Variants in CSMD3 observed in about 807,000 individuals in gnomAD.
The protein encoded by CSMD3 is CUB and sushi domain-containing protein 3.
A neutral mutation model predicts 435.2 loss-of-function variants in CSMD3; 177 were observed. The ratio of observed to expected loss-of-function variants is 0.41; its 90% confidence interval spans 0.36 to 0.46. The LOEUF is 0.46. Ranked by LOEUF, CSMD3 falls within the 20% of genes least tolerant of loss-of-function variation. The probability of loss-of-function intolerance (pLI) is 0.34; values close to 1 mark genes in which losing one functional copy is unlikely to be tolerated. For synonymous variants in CSMD3, 1,656 were observed against 1,520.5 expected, an observed-to-expected ratio of 1.09 and a Z score of -2.07; for missense variants, 4,265 against 4,504.6, an observed-to-expected ratio of 0.95 and a Z score of 1.52.
At chr8:112,301,731 T>A (rs938737426) in intron 53 of CSMD3, 62 bp downstream of exon 53, 1 of 1,210,118 alleles carries the variant, frequency 8.3e-7, no homozygotes, top group Non-Finnish European at 1.2e-6. Context: ...GAAAAAGAGA[T>A]GCCTCTTTTC....
At chr8:113,052,260 G>T (rs187153191) in intron 5 of CSMD3, among the ~76,000 whole-genome samples, 39 of 152,198 alleles carry the variant, frequency 2.6e-4, no homozygotes, top group Non-Finnish European at 4.4e-4. Flanking sequence ...AAATATTTTA[G>T]CTGTCCAAGT....
chr8:113,170,789 A>G (rs568166892), intron 4 of CSMD3, among the ~76,000 whole-genome samples: 1 of 152,270 alleles, frequency 6.6e-6, no homozygotes, highest in Admixed American at 6.5e-5. Context: ...CAGTAAATTT[A>G]TTCATTAGTT....
chr8:112,853,331 T>G (rs1260294622), intron 11 of CSMD3, among the ~76,000 whole-genome samples: 1 of 152,138 alleles, frequency 6.6e-6, no homozygotes, highest in Non-Finnish European at 1.5e-5. Context: ...GTTCAAGCAA[T>G]TCTCCTGCCT....
intron 61 of CSMD3, among the ~76,000 whole-genome samples, chr8:112,257,995 A>G (rs181577473): frequency 1.2e-4 from 19 of 152,278 alleles, no homozygotes; most frequent in African/African-American, 4.3e-4. Flanking sequence ...CAACCATCCA[A>G]TCTTTGACAA....
chr8:113,375,035 A>G (rs988615467), intron 1 of CSMD3, among the ~76,000 whole-genome samples: 5 of 152,088 alleles, frequency 3.3e-5, no homozygotes, highest in African/African-American at 1.2e-4. Flanking sequence ...CACTTTACCC[A>G]GTATAACAAA....
At chr8:113,392,359 T>G (rs541993046) in intron 1 of CSMD3, among the ~76,000 whole-genome samples, 1 of 152,238 alleles carries the variant, frequency 6.6e-6, no homozygotes, top group South Asian at 2.1e-4. Flanking sequence ...CAGATGTATG[T>G]GCCCTAAATA....
Position 112,777,024 on chromosome 8 carries a change from A to G in CSMD3, c.1972+23138T>C, listed in dbSNP as rs373864501. 1.3e-4 allele frequency among the ~76,000 whole-genome samples: 19 copies of G among 151,842 alleles called. No homozygotes were observed. In the South Asian group the frequency reaches 3.9e-3, roughly 32 times the overall value. ...GCTTTTGTACATTTTTTAGTATGTT[A>G]TTTTTCCATCTTCATTTTCTTCTTT... On this transcript the variant is annotated intron_variant, in intron 13 of 70. Transcript: ENST00000297405.
intron 1 of CSMD3, chr8:113,376,707 G>T (rs938501152): frequency 6.2e-7 from 1 of 1,613,612 alleles, no homozygotes; most frequent in Non-Finnish European, 8.5e-7. Context: ...GAAAGGTTCG[G>T]CGCAAGGAGC....
intron 13 of CSMD3, among the ~76,000 whole-genome samples, chr8:112,696,665 G>A (rs981982702): frequency 3.3e-5 from 5 of 152,122 alleles, no homozygotes; most frequent in Admixed American, 2.6e-4. Flanking sequence ...ATAGGCATGG[G>A]CAAGGACTTC....
At chr8:112,406,825 T>C in intron 34 of CSMD3, 98 bp from the exon 35 acceptor site, 1 of 671,004 alleles carries the variant, frequency 1.5e-6, no homozygotes, top group South Asian at 2.6e-5. Context: ...AATCATCACT[T>C]TTTATCAGAA....
chr8:112,933,203 G>T (rs1347731280), intron 9 of CSMD3, among the ~76,000 whole-genome samples: 3 of 152,004 alleles, frequency 2.0e-5, no homozygotes, highest in Non-Finnish European at 2.9e-5. Flanking sequence ...AGCTGTATAA[G>T]ATGTTATCAA....
chr8:112,550,896 T>C (rs1375397517), intron 26 of CSMD3, 23 bp from the exon 27 acceptor site: 1 of 1,551,872 alleles, frequency 6.4e-7, no homozygotes, highest in East Asian at 2.3e-5. Context: ...CATATTTCTC[T>C]GATTATTTTA....
intron 22 of CSMD3, among the ~76,000 whole-genome samples, chr8:112,601,221 G>A (rs1832326012): frequency 6.6e-6 from 1 of 152,026 alleles, no homozygotes; most frequent in Non-Finnish European, 1.5e-5. Flanking sequence ...AAGGTGATAT[G>A]AGCAATAGCA....
At chr8:112,988,999 TAGGTC>T (rs370084761) in intron 6 of CSMD3, among the ~76,000 whole-genome samples, 2 of 152,080 alleles carry the variant, frequency 1.3e-5, no homozygotes, top group African/African-American at 4.8e-5. Context: ...TTTATTGTCT[TAGGTC>T]ATTTATTCAT....
intron 9 of CSMD3, among the ~76,000 whole-genome samples, chr8:112,936,530 A>G (rs2083285951): frequency 1.3e-5 from 2 of 152,116 alleles, no homozygotes; most frequent in Admixed American, 1.3e-4. Flanking sequence ...TTGAATTTGC[A>G]TATAGGTTTT....
chr8:112,318,885 T>C lies in CSMD3; in HGVS notation c.7312A>G (p.Arg2438Gly), dbSNP rs2130860757. Residue 2438 changes from arginine (R) to glycine (G), a missense_variant, in exon 47 of 71, where the codon AGA (arginine) becomes GGA (glycine). Transcript: ENST00000297405. Reference sequence around the variant, plus strand: ...TCCATCTGCAGTCGTTCTCCTAATCTGCACGTCAGAATTGCATTACCAACT... The same window carrying C: ...TCCATCTGCAGTCGTTCTCCTAATCCGCACGTCAGAATTGCATTACCAACT... ...TLVGNAILTC[R>G]LGERLQMDGA... The C allele has an allele frequency of 6.2e-7, 1 of 1,612,766 alleles. No individual in the cohort carries two copies. Among genetic ancestry groups the C allele is most frequent in the Non-Finnish European group, 8.5e-7 (1 of 1,179,438 alleles).
intron 10 of CSMD3, 107 bp from the exon 11 acceptor site, chr8:112,859,373 C>T (rs2129865387): frequency 1.1e-6 from 1 of 922,182 alleles, no homozygotes; most frequent in African/African-American, 1.6e-5. Context: ...ACAATTATAA[C>T]CACATTGAAA....
At chr8:112,828,377 G>A (rs925668829) in intron 12 of CSMD3, among the ~76,000 whole-genome samples, 6 of 152,098 alleles carry the variant, frequency 3.9e-5, no homozygotes, top group African/African-American at 7.2e-5. Flanking sequence ...TCACAGGGGT[G>A]GATTTCTCCC....
At chr8:113,064,902 T>A (rs1180849409) in intron 5 of CSMD3, among the ~76,000 whole-genome samples, 1 of 152,212 alleles carries the variant, frequency 6.6e-6, no homozygotes, top group Admixed American at 6.5e-5. Context: ...AAAAGATTGC[T>A]GAATATGACA....
Sources: allele counts gnomAD v4.1 joint callset (sites outside exome capture counted in the v4.1 genomes callset), GRCh38; gene constraint gnomAD v4.1.1; transcripts MANE v1.5; gene names NCBI Gene and HGNC (gene_info 2026-07-23, HGNC 2026-07-21).